Variants in DOK6 observed in about 807,000 individuals in gnomAD.
The protein encoded by DOK6 is docking protein 6.
Under a neutral mutation model 44.0 loss-of-function variants are expected in DOK6, and 22 were observed. The observed-to-expected ratio is 0.50, with a 90% confidence interval of 0.36 to 0.71. The LOEUF is 0.71. Ranked by LOEUF, DOK6 falls within the 30% of genes least tolerant of loss-of-function variation. DOK6 has a pLI of 0.00. For synonymous variants in DOK6, 166 were observed against 145.5 expected, an observed-to-expected ratio of 1.14 and a Z score of -1.01; for missense variants, 340 against 416.4, an observed-to-expected ratio of 0.82 and a Z score of 1.60.
At chr18:69,611,495 TACACACACACACACACACAC>T (rs58620722) in intron 3 of DOK6, among the ~76,000 whole-genome samples, 44 of 150,802 alleles carry the variant, frequency 2.9e-4, no homozygotes, top group Non-Finnish European at 5.8e-4. Context: ...CAAGTACACG[TACACACACACACACACACAC>T]ACACACACAC....
chr18:69,626,060 G>A (rs1216836562), intron 3 of DOK6, among the ~76,000 whole-genome samples: 1 of 152,140 alleles, frequency 6.6e-6, no homozygotes, highest in Non-Finnish European at 1.5e-5. Context: ...GACAATGACT[G>A]ATAGCACTGC....
intron 5 of DOK6, among the ~76,000 whole-genome samples, chr18:69,715,246 GAGATGACACTTAATTT>G (rs1370486609): frequency 1.3e-5 from 2 of 152,090 alleles, no homozygotes; most frequent in African/African-American, 4.8e-5. Flanking sequence ...AGAATTAAGT[GAGATGACACTTAATTT>G]AGAATTAAGT....
chr18:69,646,767 C>A (rs1319440896), intron 3 of DOK6, among the ~76,000 whole-genome samples: 1 of 152,124 alleles, frequency 6.6e-6, no homozygotes, highest in Admixed American at 6.5e-5. Flanking sequence ...CCCTCCTGGT[C>A]TATGCACTTC....
intron 7 of DOK6, among the ~76,000 whole-genome samples, chr18:69,768,831 CAATT>C (rs1979797640): frequency 3.3e-5 from 5 of 151,870 alleles, no homozygotes; most frequent in Admixed American, 3.3e-4. Context: ...AGCTGTCCAA[CAATT>C]AATAGACACT....
rs145873189 is a variant in DOK6, at chr18:69,502,218, A to T, written c.67-62269A>T. Among the ~76,000 whole-genome samples the T allele has an allele frequency of 1.1e-4, 16 of 152,220 alleles. No homozygotes were observed. In the East Asian group the frequency reaches 2.9e-3, roughly 27 times the overall value. On this transcript the variant is annotated intron_variant, in intron 1 of 7. Transcript: ENST00000382713. ...TATCATTTATCATAGAAGTTTGATA[A>T]TTATTATTGTTGGAAGAATGACGAA...
chr18:69,684,274 G>T (rs1250695536), intron 4 of DOK6, among the ~76,000 whole-genome samples: 1 of 152,138 alleles, frequency 6.6e-6, no homozygotes, highest in Non-Finnish European at 1.5e-5. Context: ...CCTATACTTT[G>T]CCACAGATGC....
chr18:69,720,727 T>C (rs1398902905), intron 5 of DOK6, among the ~76,000 whole-genome samples: 1 of 152,140 alleles, frequency 6.6e-6, no homozygotes, highest in Non-Finnish European at 1.5e-5. Context: ...TTAAAATACT[T>C]ATTTCTTTTA....
At chr18:69,408,894 A>AT (rs1251700058) in intron 1 of DOK6, among the ~76,000 whole-genome samples, 1 of 152,120 alleles carries the variant, frequency 6.6e-6, no homozygotes, top group African/African-American at 2.4e-5. Context: ...AAAACTATTA[A>AT]TTTTTTAAGT....
chr18:69,630,855 G>C (rs1254319959), intron 3 of DOK6, among the ~76,000 whole-genome samples: 3 of 152,062 alleles, frequency 2.0e-5, no homozygotes, highest in African/African-American at 7.2e-5. Context: ...GTCTTACTCA[G>C]AAAAGTATAA....
chr18:69,761,486 A>G (rs1979551861), intron 7 of DOK6, among the ~76,000 whole-genome samples: 1 of 152,116 alleles, frequency 6.6e-6, no homozygotes, highest in Admixed American at 6.5e-5. Context: ...TCACCTCAAG[A>G]GTCCAGGACC....
chr18:69,666,014 C>G (rs1985648186), intron 3 of DOK6, among the ~76,000 whole-genome samples: 1 of 152,148 alleles, frequency 6.6e-6, no homozygotes, highest in Non-Finnish European at 1.5e-5. Flanking sequence ...TAAGAAAGGG[C>G]ATGTAGCTCA....
intron 1 of DOK6, among the ~76,000 whole-genome samples, chr18:69,512,483 A>G (rs1478647873): frequency 6.6e-6 from 1 of 151,868 alleles, no homozygotes; most frequent in East Asian, 1.9e-4. Context: ...AGCTGGGACT[A>G]CAGGCGCCCA....
At chr18:69,741,529 G>T (rs955576686) in intron 6 of DOK6, among the ~76,000 whole-genome samples, 1 of 152,026 alleles carries the variant, frequency 6.6e-6, no homozygotes. Flanking sequence ...ACAGGGTCTC[G>T]CTCTGTCACC....
intron 3 of DOK6, among the ~76,000 whole-genome samples, chr18:69,666,327 C>A (rs1985655939): frequency 1.3e-5 from 2 of 152,230 alleles, no homozygotes; most frequent in African/African-American, 4.8e-5. Context: ...TAACATGGAT[C>A]AGCCTCTATC....
At chr18:69,739,555 G>A (rs1365625730) in intron 6 of DOK6, among the ~76,000 whole-genome samples, 1 of 152,170 alleles carries the variant, frequency 6.6e-6, no homozygotes, top group Non-Finnish European at 1.5e-5. Context: ...ATAATAAAAT[G>A]TTTACAGAAG....
intron 1 of DOK6, among the ~76,000 whole-genome samples, chr18:69,488,275 C>T (rs2144537272): frequency 1.3e-5 from 2 of 152,254 alleles, no homozygotes; most frequent in African/African-American, 4.8e-5. Flanking sequence ...ACCCAGTCTC[C>T]AGATACCATT....
intron 1 of DOK6, among the ~76,000 whole-genome samples, chr18:69,476,902 A>T (rs1323674641): frequency 6.6e-6 from 1 of 152,192 alleles, no homozygotes; most frequent in Non-Finnish European, 1.5e-5. Context: ...AATGAGACTG[A>T]AGGAATCTAA....
chr18:69,555,408 G>A (rs1001430738), intron 1 of DOK6, among the ~76,000 whole-genome samples: 3 of 152,078 alleles, frequency 2.0e-5, no homozygotes, highest in Non-Finnish European at 2.9e-5. Flanking sequence ...AAAAGAATCT[G>A]CCTGATTTTG....
chr18:69,717,178 G>T (rs570197015), intron 5 of DOK6, among the ~76,000 whole-genome samples: 1 of 152,018 alleles, frequency 6.6e-6, no homozygotes, highest in Non-Finnish European at 1.5e-5. Context: ...AGATTGACTC[G>T]TTTTATTCCA....
Sources: allele counts gnomAD v4.1 joint callset (sites outside exome capture counted in the v4.1 genomes callset), GRCh38; gene constraint gnomAD v4.1.1; transcripts MANE v1.5; gene names NCBI Gene and HGNC (gene_info 2026-07-23, HGNC 2026-07-21).